CAMK2D: variants seen among roughly 807,000 people sequenced by gnomAD.
CAMK2D encodes the protein calcium/calmodulin-dependent protein kinase type II subunit delta.
A neutral mutation model predicts 84.0 loss-of-function variants in CAMK2D; 37 were observed. The observed-to-expected ratio is 0.44, with a 90% CI of 0.34 to 0.58. The LOEUF (loss-of-function observed/expected upper bound fraction) is 0.58. Ranked by LOEUF, CAMK2D falls within the 20% of genes least tolerant of loss-of-function variation. The probability of loss-of-function intolerance (pLI) is 0.02; values close to 1 mark genes in which losing one functional copy is unlikely to be tolerated. For synonymous variants in CAMK2D, 202 were observed against 212.5 expected, an observed-to-expected ratio of 0.95 and a Z score of 0.43; for missense variants, 448 against 652.5, an observed-to-expected ratio of 0.69 and a Z score of 3.41.
chr4:113,584,103 C>T (rs965882056), intron 4 of CAMK2D, among the ~76,000 whole-genome samples: 1 of 152,136 alleles, frequency 6.6e-6, no homozygotes, highest in Non-Finnish European at 1.5e-5. Flanking sequence ...AGCAGTCTTT[C>T]CATTGTCAGT....
intron 10 of CAMK2D, among the ~76,000 whole-genome samples, chr4:113,514,153 G>A (rs746970442): frequency 8.5e-5 from 13 of 152,152 alleles, no homozygotes; most frequent in Non-Finnish European, 1.6e-4. Flanking sequence ...GGTGGGTCAC[G>A]CCTGTAATTC....
chr4:113,737,862 A>C (rs966721502), intron 2 of CAMK2D, among the ~76,000 whole-genome samples: 3 of 152,130 alleles, frequency 2.0e-5, no homozygotes, highest in Non-Finnish European at 4.4e-5. Flanking sequence ...CTAGTAAATG[A>C]GAATATGCAT....
intron 2 of CAMK2D, among the ~76,000 whole-genome samples, chr4:113,701,129 G>C (rs1346057429): frequency 6.6e-6 from 1 of 151,964 alleles, no homozygotes; most frequent in Non-Finnish European, 1.5e-5. Context: ...TTCTTCTAAA[G>C]CACTGTTTTC....
chr4:113,722,158 T>A (rs1181968428), intron 2 of CAMK2D, among the ~76,000 whole-genome samples: 1 of 152,198 alleles, frequency 6.6e-6, no homozygotes. Context: ...TTTTCTTCCC[T>A]ACATTAAACC....
chr4:113,684,365 T>C (rs2099353743), intron 2 of CAMK2D, among the ~76,000 whole-genome samples: 1 of 152,178 alleles, frequency 6.6e-6, no homozygotes, highest in African/African-American at 2.4e-5. Context: ...TGTATGTATC[T>C]CCAAATCTCT....
rs572531546 is a variant in CAMK2D at position 113,465,341 on chromosome 4, CTTTTCTCTGAAA to C, written c.1211+176_1211+187del. On this transcript the variant is annotated intron_variant, in intron 17 of 20. Coordinates refer to ENST00000511664, the MANE Select transcript of CAMK2D (RefSeq NM_001321571.2). ...AGCCACTGTGCCTGGCCTCTGAAAT[CTTTTCTCTGAAA>C]TTTTCTCTGAAATTTTTCTCTCCTA... Among the ~76,000 whole-genome samples the C allele has an allele frequency of 6.3e-3, 964 of 152,220 alleles. 8 individuals carry two copies. The highest frequency in any genetic ancestry group is 0.034 in the Middle Eastern group (10 of 294).
chr4:113,625,981 C>A (rs1592139606), intron 3 of CAMK2D, among the ~76,000 whole-genome samples: 1 of 151,188 alleles, frequency 6.6e-6, no homozygotes, highest in African/African-American at 2.4e-5. Context: ...ACCACTGCAC[C>A]CCAGCCTGGG....
At chr4:113,613,495 T>C (rs1488991962) in intron 3 of CAMK2D, among the ~76,000 whole-genome samples, 1 of 152,078 alleles carries the variant, frequency 6.6e-6, no homozygotes, top group Non-Finnish European at 1.5e-5. Flanking sequence ...AGAAAAGTAG[T>C]AACAAGTACG....
At chr4:113,566,093 T>C (rs2098722514) in intron 4 of CAMK2D, among the ~76,000 whole-genome samples, 1 of 152,194 alleles carries the variant, frequency 6.6e-6, no homozygotes, top group South Asian at 2.1e-4. Context: ...GAGAGTTTCA[T>C]GCTAAAGGGG....
At chr4:113,713,467 T>G (rs1244094807) in intron 2 of CAMK2D, among the ~76,000 whole-genome samples, 1 of 148,300 alleles carries the variant, frequency 6.7e-6, no homozygotes, top group Non-Finnish European at 1.5e-5. Flanking sequence ...TTATTATATG[T>G]AATATAACAA....
At chr4:113,758,375 G>A (rs892864386) in intron 2 of CAMK2D, among the ~76,000 whole-genome samples, 13 of 152,136 alleles carry the variant, frequency 8.5e-5, no homozygotes, top group Admixed American at 4.6e-4. Flanking sequence ...GGCAGAGACC[G>A]AAAGCAATGA....
chr4:113,711,290 C>A (rs890885514), intron 2 of CAMK2D, among the ~76,000 whole-genome samples: 32 of 151,734 alleles, frequency 2.1e-4, no homozygotes, highest in Admixed American at 6.6e-5. Flanking sequence ...CCCAACTTAT[C>A]CTTCACAATT....
intron 4 of CAMK2D, among the ~76,000 whole-genome samples, chr4:113,578,526 A>G (rs1461533086): frequency 6.6e-6 from 1 of 152,154 alleles, no homozygotes; most frequent in African/African-American, 2.4e-5. Context: ...TATTGGGTTC[A>G]TATCAGTTCA....
intron 8 of CAMK2D, among the ~76,000 whole-genome samples, chr4:113,524,771 C>G (rs765837351): frequency 6.6e-6 from 1 of 152,098 alleles, no homozygotes; most frequent in Non-Finnish European, 1.5e-5. Flanking sequence ...GTTTGTGTTT[C>G]AGAGTTTGAA....
At chr4:113,503,048 G>T in intron 14 of CAMK2D, 71 bp from the exon 15 acceptor site, 1 of 1,033,434 alleles carries the variant, frequency 9.7e-7, no homozygotes, top group South Asian at 1.3e-5. Flanking sequence ...GTGAAGGACA[G>T]AGCAGAGTGA....
At chr4:113,514,374 T>C (rs1312973220) in intron 10 of CAMK2D, among the ~76,000 whole-genome samples, 3 of 152,060 alleles carry the variant, frequency 2.0e-5, no homozygotes, top group African/African-American at 7.2e-5. Context: ...GATCGTGCCA[T>C]TGCACTCCAG....
intron 12 of CAMK2D, among the ~76,000 whole-genome samples, chr4:113,510,740 A>G (rs957129399): frequency 6.6e-6 from 1 of 152,304 alleles, no homozygotes; most frequent in Non-Finnish European, 1.5e-5. Context: ...TAGCTAGAAT[A>G]GAACTGCATG....
At chr4:113,581,527 A>AG (rs746174848) in intron 4 of CAMK2D, among the ~76,000 whole-genome samples, 5,156 of 134,922 alleles carry the variant, frequency 0.038, 264 homozygotes, top group East Asian at 0.19. Flanking sequence ...AAAAAAAAAA[A>AG]AAAAAAGAAA....
chr4:113,745,798 C>T (rs1197878585), intron 2 of CAMK2D, among the ~76,000 whole-genome samples: 1 of 152,182 alleles, frequency 6.6e-6, no homozygotes, highest in Non-Finnish European at 1.5e-5. Flanking sequence ...TGGCCAAATT[C>T]CAATCCAGGT....
Sources: allele counts gnomAD v4.1 joint callset (sites outside exome capture counted in the v4.1 genomes callset), GRCh38; gene constraint gnomAD v4.1.1; transcripts MANE v1.5; gene names NCBI Gene and HGNC (gene_info 2026-07-23, HGNC 2026-07-21).